The following DNAJC2 variants were observed in gnomAD, a reference collection of about 807,000 sequenced individuals.
DNAJC2 encodes DnaJ heat shock protein family (Hsp40) member C2.
Under a neutral mutation model 94.0 loss-of-function variants are expected in DNAJC2, and 32 were observed. The ratio of observed to expected loss-of-function variants is 0.34; its 90% CI spans 0.26 to 0.46. The LOEUF is 0.46. DNAJC2 is among the 20% of genes least tolerant of loss of function. DNAJC2 has a pLI of 1.00. For missense variants in DNAJC2, 550 were observed against 719.5 expected (o/e 0.76, Z 2.69); for synonymous variants, 210 against 229.7 (o/e 0.91, Z 0.77).
intron 7 of DNAJC2, 118 bp from the exon 8 acceptor site, chr7:103,322,912 C>A: frequency 5.1e-6 from 4 of 781,322 alleles, no homozygotes; most frequent in Non-Finnish European, 8.0e-6. Context: ...AATGCTGTGT[C>A]ATTACTAACA....
chr7:103,320,636 C>T (rs1174398715), intron 10 of DNAJC2, among the ~76,000 whole-genome samples: 3 of 150,712 alleles, frequency 2.0e-5, no homozygotes, highest in Non-Finnish European at 4.4e-5. Context: ...CCCAGCTACT[C>T]GGGAGGCTGA....
chr7:103,344,527 TGAGAAGGAACC>T, intron 1 of DNAJC2, 21 bp downstream of exon 1: 1 of 1,612,328 alleles, frequency 6.2e-7, no homozygotes, highest in Non-Finnish European at 8.5e-7. Flanking sequence ...GCAGCTGAGG[TGAGAAGGAACC>T]GAGGTTGGGT....
intron 3 of DNAJC2, among the ~76,000 whole-genome samples, chr7:103,333,955 T>G (rs2116006151): frequency 6.6e-6 from 1 of 151,506 alleles, no homozygotes; most frequent in Admixed American, 6.6e-5. Context: ...GTGAACATTT[T>G]TTTTTTTTTT....
intron 3 of DNAJC2, among the ~76,000 whole-genome samples, chr7:103,332,953 C>T (rs935797007): frequency 1.3e-5 from 2 of 152,154 alleles, no homozygotes; most frequent in African/African-American, 2.4e-5. Context: ...TTTTGAGTAT[C>T]CTGTATCTGA....
chr7:103,344,281 G>A (rs1455626452), intron 1 of DNAJC2: 1 of 524,526 alleles, frequency 1.9e-6, no homozygotes, highest in Admixed American at 3.5e-5. Flanking sequence ...GTGCTGGGGG[G>A]TTCCGTCCCG....
chr7:103,334,874 C>T (rs1819106324), intron 3 of DNAJC2, among the ~76,000 whole-genome samples: 1 of 152,152 alleles, frequency 6.6e-6, no homozygotes, highest in Non-Finnish European at 1.5e-5. Context: ...CCCTCTGTCA[C>T]CCAGGCTGGA....
At chr7:103,319,879 C>A in intron 10 of DNAJC2, 35 bp from the exon 11 acceptor site, 1 of 1,598,436 alleles carries the variant, frequency 6.3e-7, no homozygotes. Flanking sequence ...TATCTACACT[C>A]AAAAATACAT....
intron 3 of DNAJC2, among the ~76,000 whole-genome samples, chr7:103,334,176 C>A (rs546554881): frequency 5.9e-5 from 9 of 152,064 alleles, no homozygotes; most frequent in Admixed American, 5.9e-4. Context: ...TGGTCTCGAT[C>A]TCCTGACCTC....
chr7:103,312,702 C>T (rs1014938976), intron 16 of DNAJC2, 59 bp from the exon 17 acceptor site: 25 of 1,600,064 alleles, frequency 1.6e-5, no homozygotes, highest in African/African-American at 2.7e-5. Context: ...ACATTTTAAT[C>T]TAGTGTTTGG....
At chr7:103,317,042 T>C (rs374871720) in intron 12 of DNAJC2, 28 bp from the exon 13 acceptor site, 116 of 1,589,236 alleles carry the variant, frequency 7.3e-5, no homozygotes, top group Non-Finnish European at 9.7e-5. Flanking sequence ...GTCAGGGACT[T>C]AGAAGTATAC....
intron 1 of DNAJC2, among the ~76,000 whole-genome samples, chr7:103,343,157 G>A (rs1171622513): frequency 6.6e-6 from 1 of 151,726 alleles, no homozygotes; most frequent in Admixed American, 6.6e-5. Context: ...CCGCCACCAC[G>A]CCCAGCTACT....
intron 5 of DNAJC2, among the ~76,000 whole-genome samples, chr7:103,325,218 C>T (rs1235496980): frequency 3.9e-5 from 6 of 152,278 alleles, no homozygotes; most frequent in Middle Eastern, 3.4e-3. Context: ...CCGAGGCCAG[C>T]GGATCACCTG....
chr7:103,322,588 C>T lies in DNAJC2; in HGVS notation c.856G>A (p.Glu286Lys), dbSNP rs1361722122. Residue 286 changes from glutamate to lysine, a missense_variant, in exon 9 of 17, where the codon GAA becomes AAA. Coordinates refer to ENST00000379263, the MANE Select transcript of DNAJC2 (RefSeq NM_014377.3). ...CDPRIKKFKE[E>K]EKAKKEAEKK... is the part of the protein sequence containing the mutation. Reference sequence around the variant, plus strand: ...TCTGCTTCTTTCTTGGCTTTTTCTTCTTCCTTGAACTTTTTTATCCTTGGA... The same window carrying T: ...TCTGCTTCTTTCTTGGCTTTTTCTTTTTCCTTGAACTTTTTTATCCTTGGA... 6.2e-7 allele frequency: 1 copy of T among 1,610,506 alleles called. No homozygotes were observed. Among genetic ancestry groups the T allele is most frequent in the Admixed American group, 1.7e-5 (1 of 59,710 alleles).
chr7:103,321,846 TAAA>T (rs1374912053), intron 10 of DNAJC2, 83 bp downstream of exon 10: 1 of 1,484,822 alleles, frequency 6.7e-7, no homozygotes, highest in East Asian at 2.3e-5. Flanking sequence ...AGACCCCATC[TAAA>T]AAACAAACAA....
At chr7:103,326,415 G>A in intron 5 of DNAJC2, 128 bp downstream of exon 5, 1 of 901,236 alleles carries the variant, frequency 1.1e-6, no homozygotes. Flanking sequence ...AGAAGGAGGA[G>A]GAGGAGGAAG....
chr7:103,340,357 G>C (rs1026510523), intron 2 of DNAJC2, among the ~76,000 whole-genome samples: 5 of 152,166 alleles, frequency 3.3e-5, no homozygotes, highest in South Asian at 2.1e-4. Flanking sequence ...GGTGGTGGGA[G>C]AATCAGCTAA....
intron 2 of DNAJC2, among the ~76,000 whole-genome samples, chr7:103,338,851 A>G (rs1322653969): frequency 6.6e-6 from 1 of 152,098 alleles, no homozygotes; most frequent in Non-Finnish European, 1.5e-5. Flanking sequence ...CGGAGGTTGC[A>G]GTGGGCCAAG....
At chr7:103,344,417 A>G in intron 1 of DNAJC2, 142 bp downstream of exon 1, 1 of 862,444 alleles carries the variant, frequency 1.2e-6, no homozygotes, top group Non-Finnish European at 1.9e-6. Context: ...AACACGGAGC[A>G]AAAAGGCACT....
At chr7:103,343,731 T>C (rs1819481872) in intron 1 of DNAJC2, among the ~76,000 whole-genome samples, 1 of 152,198 alleles carries the variant, frequency 6.6e-6, no homozygotes, top group Admixed American at 6.5e-5. Flanking sequence ...TCCTCCACCT[T>C]ACACAGGAGA....
Sources: allele counts gnomAD v4.1 joint callset (sites outside exome capture counted in the v4.1 genomes callset), GRCh38; gene constraint gnomAD v4.1.1; transcripts MANE v1.5; gene names NCBI Gene and HGNC (gene_info 2026-07-23, HGNC 2026-07-21).